The following LIPI variants were observed in gnomAD, a reference collection of about 807,000 sequenced individuals.
LIPI encodes lipase member I.
In LIPI, 59 loss-of-function variants were observed where a neutral mutation model predicts 50.6. The ratio of observed to expected loss-of-function variants is 1.16; its 90% CI spans 0.94 to 1.45. The LOEUF is 1.45. Ranked by LOEUF, LIPI falls within the 40% of genes most tolerant of loss-of-function variation. The pLI is 0.00. For synonymous variants in LIPI, 203 were observed against 178.2 expected, an observed-to-expected ratio of 1.14 and a Z score of -1.11; for missense variants, 586 against 536.3, an observed-to-expected ratio of 1.09 and a Z score of -0.92.
intron 1 of LIPI, among the ~76,000 whole-genome samples, chr21:14,194,942 T>C (rs2019794489): frequency 6.6e-6 from 1 of 152,106 alleles, no homozygotes; most frequent in Non-Finnish European, 1.5e-5. Context: ...GGATAAACTA[T>C]ATGGGAAAAA....
intron 4 of LIPI, among the ~76,000 whole-genome samples, chr21:14,171,738 C>T (rs1196958380): frequency 4.6e-5 from 7 of 151,874 alleles, no homozygotes; most frequent in African/African-American, 1.7e-4. Context: ...AAGACTTAAA[C>T]ATTAGACCTA....
chr21:14,188,567 CAAAAAAAA>C (rs577516831), intron 2 of LIPI, among the ~76,000 whole-genome samples: 2 of 65,946 alleles, frequency 3.0e-5, no homozygotes, highest in Admixed American at 2.2e-4. Context: ...GAACCTGTCT[CAAAAAAAA>C]AAAAAAAAAA....
intron 2 of LIPI, among the ~76,000 whole-genome samples, chr21:14,188,826 T>A (rs1293822931): frequency 6.6e-6 from 1 of 152,134 alleles, no homozygotes; most frequent in African/African-American, 2.4e-5. Flanking sequence ...TAACACAGGA[T>A]ATGTCTAGGT....
At chr21:14,118,351 CAA>C (rs796283693) in intron 9 of LIPI, among the ~76,000 whole-genome samples, 102 of 152,192 alleles carry the variant, frequency 6.7e-4, no homozygotes, top group African/African-American at 2.2e-3. Context: ...GGGCCGTTAT[CAA>C]AAGACTATGC....
intron 1 of LIPI, among the ~76,000 whole-genome samples, chr21:14,207,160 T>C (rs2020248687): frequency 6.6e-6 from 1 of 152,196 alleles, no homozygotes; most frequent in Non-Finnish European, 1.5e-5. Context: ...GCTTTAATTA[T>C]GTAGTTGTGA....
intron 9 of LIPI, among the ~76,000 whole-genome samples, chr21:14,138,258 CAGGA>C (rs1206904417): frequency 2.6e-4 from 39 of 151,596 alleles, no homozygotes; most frequent in Middle Eastern, 3.4e-3. Flanking sequence ...AGTAATATAA[CAGGA>C]TAGATAGATA....
chr21:14,163,197 G>A (rs1399401112), intron 7 of LIPI, among the ~76,000 whole-genome samples: 2 of 151,622 alleles, frequency 1.3e-5, no homozygotes, highest in South Asian at 2.1e-4. Context: ...ATGCAACCTT[G>A]ATTGTTTCTT....
chr21:14,184,807 T>C (rs2019397436), intron 3 of LIPI, among the ~76,000 whole-genome samples: 2 of 152,224 alleles, frequency 1.3e-5, no homozygotes, highest in Non-Finnish European at 2.9e-5. Context: ...AAGTAAATCC[T>C]GGCTAAACTG....
chr21:14,199,601 C>A (rs1281104866), intron 1 of LIPI, among the ~76,000 whole-genome samples: 1 of 150,224 alleles, frequency 6.7e-6, no homozygotes, highest in Non-Finnish European at 1.5e-5. Context: ...AAATAGCCTA[C>A]CAACCAAAAA....
At chr21:14,185,069 G>A (rs1444623089) in intron 3 of LIPI, among the ~76,000 whole-genome samples, 1 of 152,090 alleles carries the variant, frequency 6.6e-6, no homozygotes, top group South Asian at 2.1e-4. Context: ...AACAAAAAAG[G>A]TAAATTGGTT....
chr21:14,198,542 G>A (rs567853345), intron 1 of LIPI, among the ~76,000 whole-genome samples: 2 of 151,956 alleles, frequency 1.3e-5, no homozygotes, highest in Non-Finnish European at 2.9e-5. Context: ...AATGGTAAAG[G>A]GTTCCATTCA....
chr21:14,138,135 C>G (rs2017573046), intron 9 of LIPI, among the ~76,000 whole-genome samples: 1 of 152,010 alleles, frequency 6.6e-6, no homozygotes, highest in Admixed American at 6.6e-5. Context: ...ACACTAATAG[C>G]CCAGACTTCA....
chr21:14,152,468 C>G (rs890800160), intron 8 of LIPI, 105 bp downstream of exon 8: 6 of 644,064 alleles, frequency 9.3e-6, no homozygotes, highest in Non-Finnish European at 1.7e-5. Context: ...TTAAGACTCT[C>G]TAGATTAAAA....
intron 9 of LIPI, among the ~76,000 whole-genome samples, chr21:14,129,213 G>T (rs547441739): frequency 6.6e-6 from 1 of 152,082 alleles, no homozygotes; most frequent in Admixed American, 6.5e-5. Flanking sequence ...GGAAGAAAAT[G>T]AGAAGAAATG....
At position 14,144,678 on chromosome 21, in the gene LIPI, T is replaced by C; in HGVS notation, c.1240A>G (p.Thr414Ala). 1.3e-6 allele frequency: 2 copies of C among 1,579,868 alleles called. No homozygotes were observed. Among genetic ancestry groups the C allele is most frequent in the Middle Eastern group, 1.7e-4 (1 of 5,988 alleles). Residue 414 changes from threonine to alanine, a missense_variant, in exon 9 of 10, where the codon ACA (threonine) becomes GCA (alanine). Coordinates refer to ENST00000681601, the MANE Select transcript of LIPI (RefSeq NM_001302998.2). Reference protein sequence around the residue: ...YFQSSNLQCSTCTYKIQSLML... With the variant: ...YFQSSNLQCSACTYKIQSLML... ...AGACTCTGGATCTTGTATGTGCATG[T>C]GGAACACTGCAGATTTGAGCTCTGG...
intron 1 of LIPI, among the ~76,000 whole-genome samples, chr21:14,193,694 GA>G (rs916118439): frequency 2.6e-5 from 4 of 151,686 alleles, no homozygotes; most frequent in Non-Finnish European, 4.4e-5. Flanking sequence ...AAACAAGGGG[GA>G]AACATTCATA....
chr21:14,124,426 CG>C (rs1224057392), intron 9 of LIPI, among the ~76,000 whole-genome samples: 3 of 152,144 alleles, frequency 2.0e-5, no homozygotes, highest in Non-Finnish European at 2.9e-5. Context: ...GACCCCGCCC[CG>C]GTAGAATACT....
At chr21:14,160,131 T>A (rs1490964628) in intron 7 of LIPI, among the ~76,000 whole-genome samples, 2 of 151,446 alleles carry the variant, frequency 1.3e-5, no homozygotes, top group East Asian at 3.9e-4. Context: ...AACGTTATGC[T>A]AAAATTTATA....
intron 1 of LIPI, among the ~76,000 whole-genome samples, chr21:14,202,051 CAGAG>C (rs918012141): frequency 1.3e-5 from 2 of 152,068 alleles, no homozygotes; most frequent in African/African-American, 4.8e-5. Flanking sequence ...AACAGACAAA[CAGAG>C]AGGCAAATCA....
Sources: allele counts gnomAD v4.1 joint callset (sites outside exome capture counted in the v4.1 genomes callset), GRCh38; gene constraint gnomAD v4.1.1; transcripts MANE v1.5; gene names NCBI Gene and HGNC (gene_info 2026-07-23, HGNC 2026-07-21).